Variants in SPAG9 observed in about 807,000 individuals in gnomAD.
SPAG9 encodes the protein sperm associated antigen 9.
In SPAG9, 35 loss-of-function variants were observed where a neutral mutation model predicts 166.5. The observed-to-expected ratio is 0.21, with a 90% CI of 0.16 to 0.28. SPAG9 has a LOEUF of 0.28. Among genes scored for constraint, SPAG9 ranks in the 10% least tolerant of loss-of-function variants. The pLI is 1.00. For synonymous variants in SPAG9, 534 were observed against 565.5 expected (o/e 0.94, Z 0.79); for missense variants, 1,235 against 1,603.3 (o/e 0.77, Z 3.92).
intron 1 of SPAG9, among the ~76,000 whole-genome samples, chr17:51,089,266 A>T (rs1039833540): frequency 3.3e-5 from 5 of 151,658 alleles, no homozygotes; most frequent in Non-Finnish European, 7.4e-5. Flanking sequence ...TCTACTAAAA[A>T]TACAAAAATT....
intron 3 of SPAG9, among the ~76,000 whole-genome samples, chr17:51,049,493 C>T (rs536745696): frequency 6.6e-6 from 1 of 151,996 alleles, no homozygotes; most frequent in African/African-American, 2.4e-5. Flanking sequence ...CTGAGCAACA[C>T]AGGGAGACCC....
chr17:51,119,001 T>A (rs2049385156), intron 1 of SPAG9, among the ~76,000 whole-genome samples: 1 of 142,974 alleles, frequency 7.0e-6, no homozygotes, highest in African/African-American at 2.6e-5. Context: ...TCCACTGCAC[T>A]TCACCCTGGG....
chr17:51,029,495 TA>T (rs2046309989), intron 6 of SPAG9, among the ~76,000 whole-genome samples: 1 of 152,148 alleles, frequency 6.6e-6, no homozygotes, highest in South Asian at 2.1e-4. Flanking sequence ...GTAACAGCCA[TA>T]AGGTGAAACC....
chr17:51,001,171 A>G (rs2143958021), intron 13 of SPAG9, among the ~76,000 whole-genome samples: 1 of 152,240 alleles, frequency 6.6e-6, no homozygotes, highest in East Asian at 1.9e-4. Context: ...ATTAGGGGGC[A>G]GCTCATTTAC....
chr17:51,077,105 G>GCTATCTAGCTATCTAGCTAGCTATCTAT, intron 2 of SPAG9, among the ~76,000 whole-genome samples: 1 of 125,526 alleles, frequency 8.0e-6, no homozygotes, highest in Non-Finnish European at 1.7e-5. Flanking sequence ...TATCTAGCTA[G>GCTATCTAGCTATCTAGCTAGCTATCTAT]CTATCTAGCT....
chr17:51,084,817 T>A (rs2048263485), intron 1 of SPAG9, among the ~76,000 whole-genome samples: 1 of 152,068 alleles, frequency 6.6e-6, no homozygotes, highest in African/African-American at 2.4e-5. Flanking sequence ...GCTATCAAAC[T>A]GCTAACAAAA....
rs1973207589 is a variant in SPAG9 at position 50,963,353 on chromosome 17, A to G, written c.*2919T>C. The G allele has an allele frequency of 6.6e-6, 1 of 152,336 alleles. No individual in the cohort carries two copies. Among genetic ancestry groups the G allele is most frequent in the East Asian group, 1.9e-4 (1 of 5,184 alleles). The allele number at this position is 152,336 out of a possible 1,614,324, so 9.4% of individuals were successfully genotyped here. A position where few individuals can be genotyped will look rare whatever the true frequency, so the allele number is the denominator to read the frequency against. On this transcript the variant is annotated 3_prime_UTR_variant, in exon 30 of 30. Transcript: ENST00000262013. ...TTTTCTTCCAAAAATTACCACGTTG[A>G]CCAAAGTAAACATTACAAGAATATG...
chr17:51,086,917 G>A (rs1024694374), intron 1 of SPAG9, among the ~76,000 whole-genome samples: 1 of 152,012 alleles, frequency 6.6e-6, no homozygotes, highest in Admixed American at 6.6e-5. Context: ...GTGAGACTCC[G>A]TCTCAAAAAA....
At chr17:51,033,078 T>TTAAGGTGA (rs2046446647) in intron 5 of SPAG9, among the ~76,000 whole-genome samples, 1 of 151,900 alleles carries the variant, frequency 6.6e-6, no homozygotes, top group Non-Finnish European at 1.5e-5. Flanking sequence ...CAGCATATAG[T>TTAAGGTGA]TAAGGTGATT....
At chr17:51,072,362 G>A (rs536896679) in intron 2 of SPAG9, among the ~76,000 whole-genome samples, 72 of 148,388 alleles carry the variant, frequency 4.9e-4, no homozygotes, top group Non-Finnish European at 9.6e-4. Context: ...GTGAGCCACC[G>A]CGCCTGGTCT....
chr17:51,025,845 T>C (rs914207454), intron 6 of SPAG9, among the ~76,000 whole-genome samples: 1 of 152,196 alleles, frequency 6.6e-6, no homozygotes, highest in Non-Finnish European at 1.5e-5. Flanking sequence ...TGAGCTCAGA[T>C]TGCACCCATG....
intron 1 of SPAG9, among the ~76,000 whole-genome samples, chr17:51,111,810 T>C (rs1232188199): frequency 6.6e-6 from 1 of 151,984 alleles, no homozygotes; most frequent in Non-Finnish European, 1.5e-5. Context: ...ACCATGTTGG[T>C]CAGGGCTGGT....
rs563896612 is a variant in SPAG9 at position 50,998,022 on chromosome 17, A to ATTTTT, written c.1838+417_1838+421dup. ...TAAAGACAGCCAAGTTACAGAAATG[A>ATTTTT]TTTTTTTTTTTTTTTTTTTTTTTTT... On this transcript the variant is annotated intron_variant, in intron 15 of 29. Coordinates refer to ENST00000262013, the MANE Select transcript of SPAG9 (RefSeq NM_001130528.3). 2.6e-4 allele frequency among the ~76,000 whole-genome samples: 24 copies of ATTTTT among 90,802 alleles called. 1 individual carries two copies. The highest frequency in any genetic ancestry group is 9.4e-4 in the African/African-American group (22 of 23,442). The allele number at this position is 90,802 out of a possible 152,430, so 59.6% of individuals were successfully genotyped here.
At chr17:51,109,818 C>A (rs1197505188) in intron 1 of SPAG9, among the ~76,000 whole-genome samples, 1 of 151,832 alleles carries the variant, frequency 6.6e-6, no homozygotes, top group Non-Finnish European at 1.5e-5. Context: ...CTGGTGCGAT[C>A]CTCCTGCCTC....
intron 29 of SPAG9, among the ~76,000 whole-genome samples, chr17:50,968,249 A>G (rs1172046469): frequency 6.6e-6 from 1 of 152,218 alleles, no homozygotes; most frequent in Admixed American, 6.5e-5. Flanking sequence ...TATTGGTGAC[A>G]CTAATCACAT....
intron 8 of SPAG9, among the ~76,000 whole-genome samples, chr17:51,015,577 A>G (rs1291433271): frequency 6.6e-6 from 1 of 152,192 alleles, no homozygotes; most frequent in Non-Finnish European, 1.5e-5. Flanking sequence ...TGACAGAGAC[A>G]CTAAGAGCAA....
intron 1 of SPAG9, among the ~76,000 whole-genome samples, chr17:51,084,700 C>T (rs569507970): frequency 9.9e-5 from 15 of 152,196 alleles, no homozygotes; most frequent in Non-Finnish European, 1.2e-4. Context: ...TGAGTCACTG[C>T]ACCCAGTCCA....
chr17:51,080,895 A>AG (rs1043974400), intron 1 of SPAG9, among the ~76,000 whole-genome samples: 5 of 88,702 alleles, frequency 5.6e-5, no homozygotes, highest in African/African-American at 1.5e-4. Flanking sequence ...TCAAAAAAAA[A>AG]AAAAAAAAAA....
In SPAG9 at chr17:51,120,744, G is replaced by A; in HGVS notation, c.-88C>T. ...ACGGGACGGACCCGACTCGGGCTGG[G>A]ACGGGTACTAGGGCTGGAGCCCGGG... is the stretch of plus-strand genomic sequence containing the variant. On this transcript the variant is annotated 5_prime_UTR_variant, in exon 1 of 30. Coordinates refer to ENST00000262013, the MANE Select transcript of SPAG9 (RefSeq NM_001130528.3). This position sits in a 1 kb window ranked among gnomAD's most constrained non-coding sequence, Gnocchi z 4.7. 8.1e-7 allele frequency: 1 copy of A among 1,239,242 alleles called. No homozygotes were observed. The highest frequency in any genetic ancestry group is 1.1e-6 in the Non-Finnish European group (1 of 907,992). 76.8% of individuals were successfully genotyped at this position (1,239,242 alleles called of 1,614,324 possible).
Sources: allele counts gnomAD v4.1 joint callset (sites outside exome capture counted in the v4.1 genomes callset), GRCh38; gene constraint gnomAD v4.1.1; non-coding constraint Gnocchi (gnomAD v3.1); transcripts MANE v1.5; gene names NCBI Gene and HGNC (gene_info 2026-07-23, HGNC 2026-07-21).